Variants in FYB2 observed in about 807,000 individuals in gnomAD.
The protein encoded by FYB2 is FYN-binding protein 2.
A neutral mutation model predicts 94.1 loss-of-function variants in FYB2; 103 were observed. The observed-to-expected ratio is 1.09, with a 90% confidence interval of 0.93 to 1.29. The LOEUF is 1.29. Ranked by LOEUF, FYB2 falls within the 50% of genes most tolerant of loss-of-function variation. FYB2 has a pLI of 0.00. For missense variants in FYB2, 896 were observed against 841.5 expected (o/e 1.06, Z -0.80); for synonymous variants, 293 against 287.9 (o/e 1.02, Z -0.18).
Position 56,723,618 on chromosome 1 carries a change from T to G in FYB2, c.1944A>C (p.Arg648Ser). 1 of 1,564,556 alleles carries G rather than the reference T, an allele frequency of 6.4e-7. No homozygotes were observed. Among genetic ancestry groups the G allele is most frequent in the South Asian group, 1.1e-5 (1 of 87,696 alleles). Residue 648 changes from arginine (R) to serine (S), a missense_variant, in exon 17 of 20, where the codon AGA becomes AGC. Transcript: ENST00000343433. Reference sequence around the variant, plus strand: ...ACCTTTCTCTAAATAGTTTTTCTTCTCTTTTCATTCTGTTCTTTTCTAAGT... The same window carrying G: ...ACCTTTCTCTAAATAGTTTTTCTTCGCTTTTCATTCTGTTCTTTTCTAAGT... ...KQNLEKNRMK[R>S]EEKLFRERFK...
intron 12 of FYB2, 143 bp from the exon 13 acceptor site, chr1:56,740,938 G>T: frequency 4.3e-5 from 20 of 462,278 alleles, no homozygotes; most frequent in Non-Finnish European, 5.5e-5. Flanking sequence ...CATAAAGATG[G>T]AAATAACCGA....
At chr1:56,769,922 A>AG (rs770371094) in intron 4 of FYB2, among the ~76,000 whole-genome samples, 90 of 152,342 alleles carry the variant, frequency 5.9e-4, no homozygotes, top group Non-Finnish European at 4.4e-4. Flanking sequence ...GCAGCAGACA[A>AG]GCCAAAGATC....
At chr1:56,753,498 C>T (rs1186532604) in intron 8 of FYB2, among the ~76,000 whole-genome samples, 1 of 152,030 alleles carries the variant, frequency 6.6e-6, no homozygotes, top group East Asian at 1.9e-4. Context: ...CTAAGCAGGG[C>T]CTTAGGGCAC....
chr1:56,744,255 C>A lies in FYB2; in HGVS notation c.1399G>T (p.Glu467Ter). Residue 467 changes from glutamate to a stop codon, truncating the protein, a stop_gained, in exon 10 of 20, where the codon GAG (glutamate) becomes TAG (stop). Coordinates refer to ENST00000343433, the MANE Select transcript of FYB2 (RefSeq NM_001004303.5). LOFTEE classifies it high-confidence loss of function. ...RHSQGHCGHL[E>*]VLESTKETPD... ...GTTTCTTTAGTTGACTCCAAAACCTCCAGATGCCCACCTGAAAGGAAACCA... is the reference window on the plus strand; with the variant it reads ...GTTTCTTTAGTTGACTCCAAAACCTACAGATGCCCACCTGAAAGGAAACCA... The A allele has an allele frequency of 6.2e-7, 1 of 1,611,206 alleles. No homozygotes were observed. Among genetic ancestry groups the A allele is most frequent in the East Asian group, 2.2e-5 (1 of 44,760 alleles).
intron 3 of FYB2, among the ~76,000 whole-genome samples, chr1:56,788,266 C>T (rs1646177417): frequency 6.6e-6 from 1 of 152,230 alleles, no homozygotes; most frequent in African/African-American, 2.4e-5. Context: ...TACCTGCCAT[C>T]TGCTGGTGCT....
chr1:56,793,385 G>C (rs61765526), intron 1 of FYB2, among the ~76,000 whole-genome samples: 29,617 of 151,894 alleles, frequency 0.19, 3,655 homozygotes, highest in Non-Finnish European at 0.27. Flanking sequence ...GCACTTCGCT[G>C]CCTACTAATC....
intron 4 of FYB2, among the ~76,000 whole-genome samples, chr1:56,784,349 T>G (rs1646082172): frequency 6.6e-6 from 1 of 152,176 alleles, no homozygotes; most frequent in African/African-American, 2.4e-5. Context: ...CTATGTGGCT[T>G]GGCTACATGA....
At position 56,742,156 on chromosome 1, in the gene FYB2, C is replaced by T. The variant is rs148260034; in HGVS notation, c.1604+5G>A. 3.4e-5 allele frequency: 55 copies of T among 1,600,280 alleles called. No homozygotes were observed. The East Asian group carries it at 1.2e-3, about 35-fold the overall frequency. ...CCTACAAAGCCAAGAAAGAGAGAAA[C>T]TCACTCTATCTTTGGGTAGTTGTTC... On this transcript the variant is annotated splice_donor_5th_base_variant and intron_variant, in intron 12 of 19. Coordinates refer to ENST00000343433, the MANE Select transcript of FYB2 (RefSeq NM_001004303.5).
intron 6 of FYB2, among the ~76,000 whole-genome samples, 199 bp from the exon 7 acceptor site, chr1:56,756,126 AT>A (rs1205012477): frequency 6.6e-6 from 1 of 152,114 alleles, no homozygotes; most frequent in Non-Finnish European, 1.5e-5. Flanking sequence ...GAAAACAAGC[AT>A]TTCTGAAGTT....
intron 4 of FYB2, among the ~76,000 whole-genome samples, chr1:56,780,497 G>T (rs1193136858): frequency 2.0e-5 from 3 of 152,172 alleles, no homozygotes; most frequent in African/African-American, 7.2e-5. Context: ...TAGTTGAGAG[G>T]CTGTGCTCTG....
intron 18 of FYB2, 32 bp downstream of exon 18, chr1:56,720,141 A>G: frequency 6.3e-7 from 1 of 1,589,542 alleles, no homozygotes; most frequent in Admixed American, 1.8e-5. Flanking sequence ...AAAAAGAATG[A>G]AATATTATGA....
At chr1:56,822,344 T>G (rs1301469863), upstream of FYB2, among the ~76,000 whole-genome samples, 2 of 152,224 alleles carry the variant, frequency 1.3e-5, no homozygotes, top group Admixed American at 1.3e-4. Context: ...AATCATAAAC[T>G]CACAGCATTG....
At chr1:56,776,665 C>T (rs1360268345) in intron 4 of FYB2, among the ~76,000 whole-genome samples, 1 of 152,012 alleles carries the variant, frequency 6.6e-6, no homozygotes, top group Non-Finnish European at 1.5e-5. Flanking sequence ...AACATCTGAC[C>T]CCATTTATTT....
intron 12 of FYB2, among the ~76,000 whole-genome samples, chr1:56,741,952 A>C (rs540371462): frequency 1.3e-5 from 2 of 152,246 alleles, no homozygotes; most frequent in Admixed American, 1.3e-4. Context: ...ATATGATTGT[A>C]CACAATTACA....
chr1:56,807,595 A>G (rs1300786987), intron 1 of FYB2, among the ~76,000 whole-genome samples: 1 of 152,138 alleles, frequency 6.6e-6, no homozygotes, highest in African/African-American at 2.4e-5. Context: ...TATGTCACCC[A>G]TTACCACACC....
At chr1:56,752,562 A>G (rs1645225088) in intron 8 of FYB2, among the ~76,000 whole-genome samples, 1 of 152,058 alleles carries the variant, frequency 6.6e-6, no homozygotes, top group Admixed American at 6.6e-5. Context: ...CTTTTAGGTC[A>G]TAGTACCAAG....
chr1:56,740,327 A>G (rs557743160), intron 13 of FYB2, among the ~76,000 whole-genome samples: 35 of 152,234 alleles, frequency 2.3e-4, no homozygotes, highest in African/African-American at 8.4e-4. Flanking sequence ...AATAAAAACT[A>G]CTGGGGCTTG....
At chr1:56,744,921 T>A (rs1043279115) in intron 9 of FYB2, among the ~76,000 whole-genome samples, 1 of 151,996 alleles carries the variant, frequency 6.6e-6, no homozygotes, top group Non-Finnish European at 1.5e-5. Context: ...TATTCAGATA[T>A]GAACTATTAA....
At chr1:56,739,746 T>C (rs1644908166) in intron 13 of FYB2, among the ~76,000 whole-genome samples, 1 of 152,076 alleles carries the variant, frequency 6.6e-6, no homozygotes. Flanking sequence ...ATAAATTACA[T>C]GAGATAGTCA....
Sources: gnomAD v4.1 joint callset for allele counts (sites outside exome capture counted in the v4.1 genomes callset) on GRCh38, gnomAD v4.1.1 for gene constraint, MANE v1.5 for transcripts, NCBI Gene and HGNC (gene_info 2026-07-23, HGNC 2026-07-21) for gene names.